The following SRD5A2 variants were observed in gnomAD, a reference collection of about 807,000 sequenced individuals.
The protein encoded by SRD5A2 is steroid 5 alpha-reductase 2.
In SRD5A2, 30 loss-of-function variants were observed where a neutral mutation model predicts 27.4. The observed-to-expected ratio is 1.10, with a 90% CI of 0.82 to 1.49. SRD5A2 has a LOEUF of 1.49. Ranked by LOEUF, SRD5A2 falls within the 40% of genes most tolerant of loss-of-function variation. The pLI, the probability that SRD5A2 is intolerant of heterozygous loss-of-function variation, is 0.00. For missense variants in SRD5A2, 348 were observed against 323.4 expected, an observed-to-expected ratio of 1.08 and a Z score of -0.58; for synonymous variants, 141 against 133.6, an observed-to-expected ratio of 1.06 and a Z score of -0.38.
At chr2:31,617,842 C>A in the SRD5A2 span, among the ~76,000 whole-genome samples, 2 of 152,252 alleles carry the variant, frequency 1.3e-5, no homozygotes, top group Admixed American at 6.5e-5. Flanking sequence ...AAGTTCCAAA[C>A]TTTCCCACAT....
rs1408044945 is a variant in SRD5A2, at chr2:31,531,437, T to C, written c.481A>G (p.Ile161Val). The C allele has an allele frequency of 1.2e-6, 2 of 1,601,198 alleles. No individual in the cohort carries two copies. The highest frequency in any genetic ancestry group is 8.5e-7 in the Non-Finnish European group (1 of 1,173,518). The change falls in exon 3 of 5, where the codon ATT becomes GTT. Residue 161 changes from isoleucine to valine, a missense_variant. Ile to Val is a conservative substitution (Grantham distance 29). Transcript: ENST00000622030. ...FLFILGMGIN[I>V]HSDYILRQLR... Reference sequence around the variant, plus strand: ...TGGCGCAATATATAGTCACTATGAATGTTTATTCCCATTCCCAAAATAAAT... The same window carrying C: ...TGGCGCAATATATAGTCACTATGAACGTTTATTCCCATTCCCAAAATAAAT...
rs1665736746 is a variant in SRD5A2 at position 31,524,807 on chromosome 2, A to G, written c.*1389T>C. On this transcript the variant is annotated 3_prime_UTR_variant, in exon 5 of 5. Coordinates refer to ENST00000622030, the MANE Select transcript of SRD5A2 (RefSeq NM_000348.4). ...TAGGCCTGAGAAGACAAATATTTCCATGTATTCCAATTACAAGCGTTCGGC... is the reference window on the plus strand; with the variant it reads ...TAGGCCTGAGAAGACAAATATTTCCGTGTATTCCAATTACAAGCGTTCGGC... 1 of 227,194 alleles carries G rather than the reference A, an allele frequency of 4.4e-6. No homozygotes were observed. The highest frequency in any genetic ancestry group is 8.8e-6 in the Non-Finnish European group (1 of 114,188). 14.1% of individuals were successfully genotyped at this position (227,194 alleles called of 1,614,324 possible). A position where few individuals can be genotyped will look rare whatever the true frequency, so the allele number is the denominator to read the frequency against.
At position 31,525,775 on chromosome 2, in the gene SRD5A2, T is replaced by C; in HGVS notation, c.*421A>G. 1 of 230,562 alleles carries C rather than the reference T, an allele frequency of 4.3e-6. No individual in the cohort carries two copies. Among genetic ancestry groups the C allele is most frequent in the South Asian group, 1.8e-4 (1 of 5,524 alleles). 14.3% of individuals were successfully genotyped at this position (230,562 alleles called of 1,614,324 possible). A position where few individuals can be genotyped will look rare whatever the true frequency, so the allele number is the denominator to read the frequency against. On this transcript the variant is annotated 3_prime_UTR_variant, in exon 5 of 5. Coordinates refer to ENST00000622030, the MANE Select transcript of SRD5A2 (RefSeq NM_000348.4). ...TTTAAATTTCTGCTACTCTGTTACATGTATAAAATGCATACCTTTAATAAG... is the reference window on the plus strand; with the variant it reads ...TTTAAATTTCTGCTACTCTGTTACACGTATAAAATGCATACCTTTAATAAG...
intron 1 of SRD5A2, among the ~76,000 whole-genome samples, chr2:31,578,029 T>A (rs1488169768): frequency 6.6e-6 from 1 of 152,206 alleles, no homozygotes; most frequent in African/African-American, 2.4e-5. Flanking sequence ...TCTGTGATAA[T>A]GTTGGAAAAT....
At chr2:31,649,978 TTG>T in the SRD5A2 span, among the ~76,000 whole-genome samples, 1 of 22,146 alleles carries the variant, frequency 4.5e-5, no homozygotes, top group Admixed American at 3.8e-4. Context: ...ATTGATTAGA[TTG>T]ATTGATTAGA....
At chr2:31,611,216 A>G in the SRD5A2 span, among the ~76,000 whole-genome samples, 1 of 152,184 alleles carries the variant, frequency 6.6e-6, no homozygotes, top group Non-Finnish European at 1.5e-5. Context: ...CCCAGATGAC[A>G]TCAAAGGGAA....
At chr2:31,643,936 GC>G in the SRD5A2 span, among the ~76,000 whole-genome samples, 10 of 152,248 alleles carry the variant, frequency 6.6e-5, no homozygotes, top group Admixed American at 6.5e-4. Flanking sequence ...ATCAATAGTT[GC>G]TAAAAATTCA....
At chr2:31,570,381 T>A (rs887317751) in intron 1 of SRD5A2, among the ~76,000 whole-genome samples, 1 of 152,044 alleles carries the variant, frequency 6.6e-6, no homozygotes, top group African/African-American at 2.4e-5. Flanking sequence ...TAATTCAAAA[T>A]AACAAGAGCC....
chr2:31,614,820 T>C, the SRD5A2 span, among the ~76,000 whole-genome samples: 1 of 152,214 alleles, frequency 6.6e-6, no homozygotes, highest in East Asian at 1.9e-4. Context: ...GGTTTGGCAG[T>C]GTCCTCATCC....
chr2:31,616,704 A>G, the SRD5A2 span, among the ~76,000 whole-genome samples: 1 of 152,148 alleles, frequency 6.6e-6, no homozygotes, highest in Non-Finnish European at 1.5e-5. Context: ...TAGAGGTGAA[A>G]GGGACTTGCC....
At chr2:31,595,923 G>A in the SRD5A2 span, among the ~76,000 whole-genome samples, 1 of 152,076 alleles carries the variant, frequency 6.6e-6, no homozygotes, top group Non-Finnish European at 1.5e-5. Flanking sequence ...TAAATGTGAT[G>A]CACCACATAA....
chr2:31,603,696 C>T, the SRD5A2 span, among the ~76,000 whole-genome samples: 101,807 of 151,782 alleles, frequency 0.67, 34,378 homozygotes, highest in African/African-American at 0.7. Flanking sequence ...ATATACACCA[C>T]GGAATACTAT....
chr2:31,578,466 C>T (rs888690840), intron 1 of SRD5A2, among the ~76,000 whole-genome samples: 12 of 152,088 alleles, frequency 7.9e-5, no homozygotes, highest in African/African-American at 2.2e-4. Flanking sequence ...GCAAAATGGG[C>T]GTGCCTACCT....
At chr2:31,539,427 C>A (rs1477135586) in intron 1 of SRD5A2, among the ~76,000 whole-genome samples, 1 of 152,156 alleles carries the variant, frequency 6.6e-6, no homozygotes, top group Non-Finnish European at 1.5e-5. Flanking sequence ...GAAAAACTGG[C>A]TCACTCTCAC....
intron 1 of SRD5A2, among the ~76,000 whole-genome samples, chr2:31,555,035 C>A (rs561377308): frequency 2.0e-5 from 3 of 150,872 alleles, no homozygotes; most frequent in African/African-American, 7.3e-5. Flanking sequence ...AGGTAATGTG[C>A]CCAAGGCCAC....
the SRD5A2 span, among the ~76,000 whole-genome samples, chr2:31,626,418 G>A: frequency 6.6e-6 from 1 of 152,150 alleles, no homozygotes; most frequent in Non-Finnish European, 1.5e-5. Context: ...GTGAGAGAGG[G>A]CGGCCCTGTC....
chr2:31,572,413 T>G (rs994479347), intron 1 of SRD5A2, among the ~76,000 whole-genome samples: 5 of 152,192 alleles, frequency 3.3e-5, no homozygotes, highest in African/African-American at 1.2e-4. Context: ...ACATGTAGTT[T>G]ACCTGTATAA....
the SRD5A2 span, among the ~76,000 whole-genome samples, chr2:31,662,858 C>T: frequency 6.6e-6 from 1 of 152,090 alleles, no homozygotes; most frequent in Admixed American, 6.6e-5. Flanking sequence ...GCAGTCTTAC[C>T]TTGTATGTGT....
chr2:31,564,496 T>C (rs568756333), intron 1 of SRD5A2, among the ~76,000 whole-genome samples: 32 of 152,072 alleles, frequency 2.1e-4, no homozygotes, highest in African/African-American at 7.5e-4. Context: ...GAATGAAGAA[T>C]AGTGTATGAA....
Sources: gnomAD v4.1 joint callset for allele counts (sites outside exome capture counted in the v4.1 genomes callset) on GRCh38, gnomAD v4.1.1 for gene constraint, MANE v1.5 for transcripts, NCBI Gene and HGNC (gene_info 2026-07-23, HGNC 2026-07-21) for gene names.